KCNMA1: variants seen among roughly 807,000 people sequenced by gnomAD.
KCNMA1 encodes Calcium-activated potassium channel subunit alpha-1.
A neutral mutation model predicts 140.0 loss-of-function variants in KCNMA1; 29 were observed. That is an observed-to-expected ratio of 0.21 (90% CI 0.15 to 0.28). The LOEUF is 0.28. Among genes scored for constraint, KCNMA1 ranks in the 10% least tolerant of loss-of-function variants. The pLI, the probability that KCNMA1 is intolerant of heterozygous loss-of-function variation, is 1.00. For missense variants in KCNMA1, 880 were observed against 1,602.2 expected (o/e 0.55, Z 7.70); for synonymous variants, 612 against 611.9 (o/e 1.00, Z 0.00).
intron 1 of KCNMA1, among the ~76,000 whole-genome samples, chr10:77,530,466 C>T (rs1293027549): frequency 6.6e-6 from 1 of 152,196 alleles, no homozygotes; most frequent in Non-Finnish European, 1.5e-5. Flanking sequence ...AACACTATTA[C>T]AACTAACAGC....
At chr10:77,177,250 CTTCCTTTCTTCCTTCCTTCT>C (rs1277107136) in intron 5 of KCNMA1, among the ~76,000 whole-genome samples, 9 of 151,710 alleles carry the variant, frequency 5.9e-5, no homozygotes, top group South Asian at 4.2e-4. Flanking sequence ...TTCTTCCTTC[CTTCCTTTCTTCCTTCCTTCT>C]TTCCTTTCTT....
intron 1 of KCNMA1, among the ~76,000 whole-genome samples, chr10:77,465,645 C>A (rs1291970977): frequency 6.6e-6 from 1 of 152,182 alleles, no homozygotes; most frequent in African/African-American, 2.4e-5. Flanking sequence ...AGCACCCTAT[C>A]GGCACCTGGC....
intron 3 of KCNMA1, among the ~76,000 whole-genome samples, chr10:77,235,255 C>T (rs1020221119): frequency 1.2e-4 from 18 of 152,180 alleles, no homozygotes; most frequent in Admixed American, 3.3e-4. Context: ...GAGGTTGTCT[C>T]ATTTGCCAGG....
chr10:77,209,481 G>A (rs1187916467), intron 3 of KCNMA1, among the ~76,000 whole-genome samples: 1 of 152,158 alleles, frequency 6.6e-6, no homozygotes, highest in Non-Finnish European at 1.5e-5. Flanking sequence ...GAAGTTCTAG[G>A]TTCAGATAAC....
intron 3 of KCNMA1, among the ~76,000 whole-genome samples, chr10:77,225,434 C>A (rs2050999035): frequency 6.6e-6 from 1 of 152,130 alleles, no homozygotes; most frequent in South Asian, 2.1e-4. Flanking sequence ...CCAGGGGACT[C>A]CCCCTGGCCA....
At chr10:77,072,510 G>A (rs1169195350) in intron 14 of KCNMA1, among the ~76,000 whole-genome samples, 2 of 151,060 alleles carry the variant, frequency 1.3e-5, no homozygotes, top group African/African-American at 2.4e-5. Context: ...GCTCTGACAA[G>A]GACATGAACA....
chr10:77,636,810 G>C, intron 1 of KCNMA1: 1 of 1,442,106 alleles, frequency 6.9e-7, no homozygotes, highest in African/African-American at 1.4e-5. Context: ...TCCCCAACAG[G>C]TTCCTAAAGT....
rs79626563 is a variant in KCNMA1 at position 77,079,978 on chromosome 10, G to A, written c.1524-428C>T. Among the ~76,000 whole-genome samples, 363 of 152,322 alleles carry A rather than the reference G, an allele frequency of 2.4e-3. 4 individuals are homozygous for A. In the East Asian group the frequency reaches 0.044, roughly 18 times the overall value. ...CCAGGTCCTTTCCTGAAAGCAAGTTGTAATGCATGGATGAATTCCAGTCCC... is the reference window on the plus strand; with the variant it reads ...CCAGGTCCTTTCCTGAAAGCAAGTTATAATGCATGGATGAATTCCAGTCCC... On this transcript the variant is annotated intron_variant, in intron 12 of 27. Transcript: ENST00000286628.
chr10:77,401,458 A>G (rs924123066), intron 2 of KCNMA1, among the ~76,000 whole-genome samples: 26 of 152,082 alleles, frequency 1.7e-4, no homozygotes, highest in Non-Finnish European at 1.6e-4. Context: ...CCTGGCCCCA[A>G]AATTCTTTAG....
At chr10:77,255,683 G>A (rs1408159549) in intron 2 of KCNMA1, among the ~76,000 whole-genome samples, 1 of 152,074 alleles carries the variant, frequency 6.6e-6, no homozygotes, top group Non-Finnish European at 1.5e-5. Context: ...GGAGGCCGAG[G>A]TGGGGGGATC....
chr10:77,566,518 A>C (rs1194384962), intron 1 of KCNMA1, among the ~76,000 whole-genome samples: 8 of 152,200 alleles, frequency 5.3e-5, no homozygotes, highest in Non-Finnish European at 1.2e-4. Context: ...CTGGGAAGAA[A>C]GGTTCCCTGC....
intron 1 of KCNMA1, among the ~76,000 whole-genome samples, chr10:77,416,797 A>G (rs1237807723): frequency 6.6e-6 from 1 of 152,204 alleles, no homozygotes; most frequent in African/African-American, 2.4e-5. Context: ...GCACACGGTG[A>G]GCATTTCACA....
intron 5 of KCNMA1, among the ~76,000 whole-genome samples, chr10:77,170,844 G>A (rs896002758): frequency 6.6e-6 from 1 of 152,130 alleles, no homozygotes; most frequent in Non-Finnish European, 1.5e-5. Context: ...GATTACAAGT[G>A]GAAGATCCAA....
At chr10:77,455,427 G>T (rs1279673695) in intron 1 of KCNMA1, among the ~76,000 whole-genome samples, 2 of 152,128 alleles carry the variant, frequency 1.3e-5, no homozygotes, top group African/African-American at 4.8e-5. Flanking sequence ...TCCCTGCCCA[G>T]CCCATTCTAG....
chr10:77,581,880 G>A (rs747759359), intron 1 of KCNMA1, among the ~76,000 whole-genome samples: 2 of 152,254 alleles, frequency 1.3e-5, no homozygotes, highest in African/African-American at 2.4e-5. Context: ...GCTTCAAAGA[G>A]CATCTGAGTT....
chr10:77,166,551 A>G (rs1240863890), intron 5 of KCNMA1, among the ~76,000 whole-genome samples: 1 of 151,960 alleles, frequency 6.6e-6, no homozygotes, highest in African/African-American at 2.4e-5. Flanking sequence ...TGATTGATTC[A>G]GAGGAAGAGG....
chr10:77,125,184 C>G lies in KCNMA1; in HGVS notation c.809-4136G>C, dbSNP rs188257328. Among the ~76,000 whole-genome samples, 15 of 152,298 alleles carry G rather than the reference C, an allele frequency of 9.8e-5. No homozygotes were observed. In the East Asian group the frequency reaches 2.1e-3, roughly 22 times the overall value. On this transcript the variant is annotated intron_variant, in intron 5 of 27. Transcript: ENST00000286628. ...GGGTAGGGACACAGCCAAACCATAT[C>G]AGCTTCCTAACCGCTTTCTGCCCTG... is the stretch of plus-strand genomic sequence containing the variant.
chr10:77,085,577 C>T (rs753283630), intron 11 of KCNMA1, among the ~76,000 whole-genome samples: 15 of 152,074 alleles, frequency 9.9e-5, no homozygotes, highest in Non-Finnish European at 2.1e-4. Context: ...TGCAATCTGT[C>T]CTACTTGGTA....
intron 23 of KCNMA1, among the ~76,000 whole-genome samples, chr10:76,940,960 C>T (rs540822475): frequency 1.0e-4 from 12 of 118,236 alleles, no homozygotes; most frequent in African/African-American, 3.0e-4. Flanking sequence ...GACTCTACCT[C>T]GAAAGAAAGA....
Sources: gnomAD v4.1 joint callset for allele counts (sites outside exome capture counted in the v4.1 genomes callset) on GRCh38, gnomAD v4.1.1 for gene constraint, MANE v1.5 for transcripts, NCBI Gene and HGNC (gene_info 2026-07-23, HGNC 2026-07-21) for gene names.